The following MACROD2 variants were observed in gnomAD, a reference collection of about 807,000 sequenced individuals.
MACROD2 encodes ADP-ribose glycohydrolase MACROD2.
A neutral mutation model predicts 70.4 loss-of-function variants in MACROD2; 36 were observed. The ratio of observed to expected loss-of-function variants is 0.51; its 90% CI spans 0.39 to 0.68. The LOEUF is 0.68. Ranked by LOEUF, MACROD2 falls within the 30% of genes least tolerant of loss-of-function variation. The pLI, the probability that MACROD2 is intolerant of heterozygous loss-of-function variation, is 0.00. For missense variants in MACROD2, 496 were observed against 538.4 expected (o/e 0.92, Z 0.78); for synonymous variants, 172 against 178.8 (o/e 0.96, Z 0.30).
At chr20:15,721,455 TTG>T (rs1242202652) in intron 8 of MACROD2, among the ~76,000 whole-genome samples, 1 of 152,186 alleles carries the variant, frequency 6.6e-6, no homozygotes, top group Non-Finnish European at 1.5e-5. Context: ...TTGATCTCTG[TTG>T]TTTTTGAAGA....
intron 3 of MACROD2, among the ~76,000 whole-genome samples, chr20:14,201,365 A>G (rs1446415321): frequency 6.6e-6 from 1 of 152,198 alleles, no homozygotes; most frequent in Non-Finnish European, 1.5e-5. Context: ...TGTTTTTATC[A>G]ATAAATTATA....
intron 5 of MACROD2, among the ~76,000 whole-genome samples, chr20:15,061,232 C>T (rs1026607425): frequency 1.1e-4 from 16 of 152,290 alleles, no homozygotes; most frequent in African/African-American, 2.2e-4. Context: ...CCACTCCCTC[C>T]GTACTCACCT....
At chr20:15,859,953 G>A (rs2064403009) in intron 8 of MACROD2, among the ~76,000 whole-genome samples, 3 of 152,090 alleles carry the variant, frequency 2.0e-5, no homozygotes, top group African/African-American at 4.8e-5. Flanking sequence ...GGCTAACACG[G>A]TGAAACCCTG....
chr20:15,624,852 A>C (rs1314324041), intron 8 of MACROD2, among the ~76,000 whole-genome samples: 1 of 152,174 alleles, frequency 6.6e-6, no homozygotes, highest in Non-Finnish European at 1.5e-5. Context: ...TTCCAAACAT[A>C]ACAACTATAT....
chr20:15,664,370 T>C (rs2049867226), intron 8 of MACROD2, among the ~76,000 whole-genome samples: 5 of 152,218 alleles, frequency 3.3e-5, no homozygotes, highest in Non-Finnish European at 5.9e-5. Flanking sequence ...TAATGGGATG[T>C]AGTTTAAGCA....
chr20:14,967,719 G>A (rs1407300420), intron 5 of MACROD2, among the ~76,000 whole-genome samples: 1 of 151,938 alleles, frequency 6.6e-6, no homozygotes, highest in Non-Finnish European at 1.5e-5. Flanking sequence ...TCTCTTCCAT[G>A]CTAGTGCTTT....
intron 6 of MACROD2, among the ~76,000 whole-genome samples, chr20:15,236,160 G>T (rs1173670202): frequency 6.6e-6 from 1 of 152,176 alleles, no homozygotes; most frequent in South Asian, 2.1e-4. Flanking sequence ...GATTTAGCCA[G>T]TGTGGGAAAA....
intron 3 of MACROD2, among the ~76,000 whole-genome samples, chr20:14,406,491 G>T (rs1282573984): frequency 6.6e-6 from 1 of 152,076 alleles, no homozygotes; most frequent in Non-Finnish European, 1.5e-5. Flanking sequence ...GTGCTAGATT[G>T]TATCAATATT....
At chr20:15,664,959 T>C (rs565311284) in intron 8 of MACROD2, among the ~76,000 whole-genome samples, 3 of 152,200 alleles carry the variant, frequency 2.0e-5, no homozygotes, top group African/African-American at 7.2e-5. Context: ...TGCACTGTTA[T>C]GATAGGGCAT....
intron 5 of MACROD2, among the ~76,000 whole-genome samples, chr20:15,129,861 C>T (rs911809898): frequency 4.6e-5 from 7 of 151,902 alleles, no homozygotes; most frequent in Admixed American, 6.6e-5. Flanking sequence ...TCTATGGGTG[C>T]CTTGAATAAT....
intron 11 of MACROD2, 189 bp downstream of exon 11, chr20:15,933,527 C>T: frequency 1.9e-6 from 1 of 515,806 alleles, no homozygotes; most frequent in Admixed American, 3.4e-5. Context: ...AACAGAGTGG[C>T]ACATTCTCAC....
chr20:14,784,668 TGGG>T lies in MACROD2; in HGVS notation c.418+99720_418+99722del, dbSNP rs3045608. ...GGTCAGAAAAGGATGGTGTTTTAAGTGGGGGGGGGGGGGCACCAGATTCAGTTA... is the reference window on the plus strand; with the variant it reads ...GGTCAGAAAAGGATGGTGTTTTAAGTGGGGGGGGGGCACCAGATTCAGTTA... On this transcript the variant is annotated intron_variant, in intron 5 of 17. Coordinates refer to ENST00000684519, the MANE Select transcript of MACROD2 (RefSeq NM_001351661.2). Among the ~76,000 whole-genome samples the T allele has an allele frequency of 4.3e-3, 407 of 94,854 alleles. 18 individuals are homozygous for T. Among genetic ancestry groups the T allele is most frequent in the African/African-American group, 0.013 (367 of 28,368 alleles). The allele number at this position is 94,854 out of a possible 152,430, so 62.2% of individuals were successfully genotyped here. A position where few individuals can be genotyped will look rare whatever the true frequency, so the allele number is the denominator to read the frequency against.
rs1025863690 is a variant in MACROD2 at position 14,270,945 on chromosome 20, G to A, written c.271+185217G>A. Among the ~76,000 whole-genome samples the A allele has an allele frequency of 2.8e-4, 42 of 152,326 alleles. 3 individuals carry two copies. The South Asian group carries it at 5.2e-3, about 19-fold the overall frequency. On this transcript the variant is annotated intron_variant, in intron 3 of 17. Coordinates refer to ENST00000684519, the MANE Select transcript of MACROD2 (RefSeq NM_001351661.2). The stretch of plus-strand genomic sequence containing the variant: ...GCCGCAGCGAGGCTGGGGGAGGAGC[G>A]CCCGCCATTGCCCAGGCTTGCTTAG...
intron 5 of MACROD2, among the ~76,000 whole-genome samples, chr20:14,766,915 G>C (rs922303852): frequency 1.3e-5 from 2 of 152,096 alleles, no homozygotes; most frequent in African/African-American, 4.8e-5. Flanking sequence ...AGTTTAACTG[G>C]ACTATAAATG....
At chr20:15,132,791 G>A (rs1601117009) in intron 5 of MACROD2, among the ~76,000 whole-genome samples, 1 of 151,880 alleles carries the variant, frequency 6.6e-6, no homozygotes, top group East Asian at 1.9e-4. Context: ...AAAGTAATGA[G>A]GGATGAACTA....
intron 5 of MACROD2, among the ~76,000 whole-genome samples, chr20:15,214,716 A>T (rs1057088174): frequency 2.0e-5 from 3 of 152,198 alleles, no homozygotes; most frequent in Admixed American, 2.0e-4. Context: ...TGTCAAACAC[A>T]TTCTTGCCAT....
At chr20:15,406,615 G>T (rs2046005296) in intron 6 of MACROD2, among the ~76,000 whole-genome samples, 1 of 152,170 alleles carries the variant, frequency 6.6e-6, no homozygotes, top group Non-Finnish European at 1.5e-5. Flanking sequence ...CCTTCATCTT[G>T]AAGGTAAATG....
At chr20:14,718,399 G>A (rs1198822172) in intron 5 of MACROD2, among the ~76,000 whole-genome samples, 1 of 150,970 alleles carries the variant, frequency 6.6e-6, no homozygotes, top group Non-Finnish European at 1.5e-5. Flanking sequence ...GGGTGCATGT[G>A]ATTCAAACAT....
rs532697166 is a variant in MACROD2, at chr20:14,044,310, C to T, written c.164-41311C>T. Among the ~76,000 whole-genome samples, 73 of 152,140 alleles carry T rather than the reference C, an allele frequency of 4.8e-4. No individual in the cohort carries two copies. The Middle Eastern group carries it at 0.01, about 21-fold the overall frequency. ...CTTCAGGAGTGGAGCTGCAGACCTT[C>T]GCGGTGAGTGTTACAGCTTATAAAG... On this transcript the variant is annotated intron_variant, in intron 2 of 17. Coordinates refer to ENST00000684519, the MANE Select transcript of MACROD2 (RefSeq NM_001351661.2).
Sources: allele counts gnomAD v4.1 joint callset (sites outside exome capture counted in the v4.1 genomes callset), GRCh38; gene constraint gnomAD v4.1.1; transcripts MANE v1.5; gene names NCBI Gene and HGNC (gene_info 2026-07-23, HGNC 2026-07-21).